Variants in IL19 observed in about 807,000 individuals in gnomAD.
IL19 encodes interleukin 19, also known as interleukin-19.
Under a neutral mutation model 19.5 loss-of-function variants are expected in IL19, and 15 were observed. That is an observed-to-expected ratio of 0.77 (90% CI 0.52 to 1.19). The LOEUF (loss-of-function observed/expected upper bound fraction) is 1.19, where lower values mean the gene tolerates loss of function less well. IL19 is among the 50% of genes most tolerant of loss of function. The pLI, the probability that IL19 is intolerant of heterozygous loss-of-function variation, is 0.00. For synonymous variants in IL19, 78 were observed against 78.3 expected (o/e 1.00, Z 0.02); for missense variants, 199 against 213.1 (o/e 0.93, Z 0.41).
At chr1:206,771,370 G>A in intron 1 of IL19, 1 of 1,613,612 alleles carries the variant, frequency 6.2e-7, no homozygotes. Flanking sequence ...AAGTCCTCCA[G>A]CAAGGACTCC....
intron 1 of IL19, among the ~76,000 whole-genome samples, chr1:206,772,956 C>G (rs770684613): frequency 6.6e-6 from 1 of 152,214 alleles, no homozygotes; most frequent in Non-Finnish European, 1.5e-5. Context: ...CACCTTAGGT[C>G]TCTGGGCCTT....
chr1:206,801,181 A>AAC (rs1675672798), intron 2 of IL19, among the ~76,000 whole-genome samples: 1 of 151,800 alleles, frequency 6.6e-6, no homozygotes. Context: ...AAAAAAAAAA[A>AAC]AAACCACAGA....
chr1:206,804,719 G>T, intron 2 of IL19, among the ~76,000 whole-genome samples: 1 of 152,220 alleles, frequency 6.6e-6, no homozygotes, highest in East Asian at 1.9e-4. Context: ...ACTCACCTCA[G>T]CCTGTTTCCT....
chr1:206,826,623 C>A (rs1294484141), intron 2 of IL19, among the ~76,000 whole-genome samples: 2 of 152,198 alleles, frequency 1.3e-5, no homozygotes, highest in South Asian at 4.1e-4. Context: ...GTGAAGCCCT[C>A]CCCAGGAACT....
chr1:206,775,102 A>G lies in IL19; in HGVS notation c.-149+4024A>G, dbSNP rs183586733. ...GTTGCCCAGGCTGGAGTGCAGTGGCATGATCTCAGCTCACTGCAAGCTCTG... is the reference window on the plus strand; with the variant it reads ...GTTGCCCAGGCTGGAGTGCAGTGGCGTGATCTCAGCTCACTGCAAGCTCTG... On this transcript the variant is annotated intron_variant, in intron 1 of 6. Transcript: ENST00000659997. Among the ~76,000 whole-genome samples, 14 of 151,576 alleles carry G rather than the reference A, an allele frequency of 9.2e-5. 1 individual carries two copies. The East Asian group carries it at 1.4e-3, about 15-fold the overall frequency.
Position 206,793,693 on chromosome 1 carries a change from G to GA in IL19, c.-148-5161dup, listed in dbSNP as rs113323550. ...TTTATGCCTGGAACCTCAAACAACA[G>GA]AAAAAAACACGAGGCAGAAAAAAAT... On this transcript the variant is annotated intron_variant, in intron 1 of 6. Coordinates refer to ENST00000659997, the MANE Select transcript of IL19 (RefSeq NM_153758.5). Among the ~76,000 whole-genome samples the GA allele has an allele frequency of 3.0e-3, 450 of 152,004 alleles. 3 individuals are homozygous for GA. Among genetic ancestry groups the GA allele is most frequent in the African/African-American group, 0.01 (432 of 41,508 alleles).
chr1:206,841,452 C>T (rs967109965), intron 6 of IL19, among the ~76,000 whole-genome samples: 4 of 151,132 alleles, frequency 2.6e-5, no homozygotes, highest in African/African-American at 4.9e-5. Flanking sequence ...TCACTACCTG[C>T]CCCCCCATAT....
chr1:206,796,321 C>T (rs1675522038), intron 1 of IL19, among the ~76,000 whole-genome samples: 2 of 152,226 alleles, frequency 1.3e-5, no homozygotes, highest in Admixed American at 6.5e-5. Context: ...CAGAAACATT[C>T]TCACAGGCAC....
intron 1 of IL19, among the ~76,000 whole-genome samples, chr1:206,789,071 C>T (rs885334): frequency 0.61 from 92,815 of 152,024 alleles, 29,486 homozygotes; most frequent in Non-Finnish European, 0.7. Flanking sequence ...TGACCTTTTC[C>T]TTTTCCGCCT....
chr1:206,779,580 C>T (rs563659910), intron 1 of IL19, among the ~76,000 whole-genome samples: 9 of 152,270 alleles, frequency 5.9e-5, no homozygotes, highest in African/African-American at 9.6e-5. Context: ...TTCTCTAGAC[C>T]GTTCTCCACG....
chr1:206,777,209 C>A lies in IL19; in HGVS notation c.-149+6131C>A, dbSNP rs542809520. ...TCGCGTCACTGCACTCCAGCCTGGG[C>A]GACAGAGCGAGACTCCGTCTCAAAA... On this transcript the variant is annotated intron_variant, in intron 1 of 6. Coordinates refer to ENST00000659997, the MANE Select transcript of IL19 (RefSeq NM_153758.5). Among the ~76,000 whole-genome samples the A allele has an allele frequency of 4.8e-5, 6 of 125,388 alleles. No homozygotes were observed. In the South Asian group the frequency reaches 1.2e-3, roughly 26 times the overall value. 82.3% of individuals were successfully genotyped at this position (125,388 alleles called of 152,430 possible).
chr1:206,797,881 G>C (rs893375074), intron 1 of IL19, among the ~76,000 whole-genome samples: 2 of 152,236 alleles, frequency 1.3e-5, no homozygotes, highest in Non-Finnish European at 2.9e-5. Flanking sequence ...TTTCTGAAGA[G>C]GGTTAAGATA....
intron 5 of IL19, 76 bp from the exon 6 acceptor site, chr1:206,840,928 C>A: frequency 8.4e-7 from 1 of 1,194,186 alleles, no homozygotes; most frequent in Non-Finnish European, 1.2e-6. Flanking sequence ...TGTCACTTCT[C>A]ATGTGGGGAG....
chr1:206,819,396 C>T (rs994277306), intron 2 of IL19, among the ~76,000 whole-genome samples: 5 of 151,788 alleles, frequency 3.3e-5, no homozygotes, highest in Non-Finnish European at 7.4e-5. Context: ...TCAGCCTGGC[C>T]AATATGGTGA....
At chr1:206,787,547 G>A (rs1675295762) in intron 1 of IL19, among the ~76,000 whole-genome samples, 1 of 152,190 alleles carries the variant, frequency 6.6e-6, no homozygotes, top group Admixed American at 6.5e-5. Flanking sequence ...AAAGACCTAG[G>A]TCCGGGAAAA....
intron 1 of IL19, among the ~76,000 whole-genome samples, chr1:206,782,840 C>A (rs1363056348): frequency 6.6e-6 from 1 of 152,206 alleles, no homozygotes; most frequent in Non-Finnish European, 1.5e-5. Context: ...CTGCTTTCTT[C>A]TTCTGCCTTT....
chr1:206,805,613 G>C (rs1176960239), intron 2 of IL19, among the ~76,000 whole-genome samples: 2 of 152,042 alleles, frequency 1.3e-5, no homozygotes, highest in Admixed American at 6.6e-5. Context: ...ATGAGTAAAA[G>C]GCAAACTGAA....
At chr1:206,810,842 G>C (rs996904420) in intron 2 of IL19, among the ~76,000 whole-genome samples, 1 of 152,208 alleles carries the variant, frequency 6.6e-6, no homozygotes, top group Non-Finnish European at 1.5e-5. Context: ...GCCCTCCTCA[G>C]AGTAACGAGT....
chr1:206,808,599 A>G (rs1303238776), intron 2 of IL19, among the ~76,000 whole-genome samples: 3 of 152,024 alleles, frequency 2.0e-5, no homozygotes, highest in Non-Finnish European at 2.9e-5. Flanking sequence ...GACAGAGTAA[A>G]TGGAGTGAGG....
Sources: allele counts gnomAD v4.1 joint callset (sites outside exome capture counted in the v4.1 genomes callset), GRCh38; gene constraint gnomAD v4.1.1; transcripts MANE v1.5; gene names NCBI Gene and HGNC (gene_info 2026-07-23, HGNC 2026-07-21).